FMN2: variants seen among roughly 807,000 people sequenced by gnomAD.
The protein encoded by FMN2 is formin-2.
FMN2 carries 51 observed loss-of-function variants against 142.3 expected under a neutral mutation model. The ratio of observed to expected loss-of-function variants is 0.36; its 90% CI spans 0.29 to 0.45. FMN2 has a LOEUF of 0.45. FMN2 is among the 20% of genes least tolerant of loss of function. The pLI is 1.00. For synonymous variants in FMN2, 882 were observed against 869.8 expected, an observed-to-expected ratio of 1.01 and a Z score of -0.25; for missense variants, 1,936 against 2,122.8, an observed-to-expected ratio of 0.91 and a Z score of 1.73.
intron 7 of FMN2, among the ~76,000 whole-genome samples, chr1:240,273,673 A>G (rs1345297341): frequency 7.6e-6 from 1 of 132,216 alleles, no homozygotes; most frequent in Non-Finnish European, 1.6e-5. Flanking sequence ...GGGGGCAGAG[A>G]CACACACACA....
intron 15 of FMN2, 50 bp downstream of exon 15, chr1:240,392,612 T>G: frequency 5.5e-6 from 8 of 1,456,328 alleles, no homozygotes; most frequent in Non-Finnish European, 7.5e-6. Flanking sequence ...ACATGCTAAG[T>G]GTATTTCATC....
chr1:240,226,787 A>G (rs982436875), intron 6 of FMN2, among the ~76,000 whole-genome samples: 3 of 150,602 alleles, frequency 2.0e-5, no homozygotes, highest in Non-Finnish European at 4.4e-5. Flanking sequence ...ATCCGCAGTT[A>G]CCAAATCGTA....
At chr1:240,264,012 G>A (rs1668714644) in intron 7 of FMN2, among the ~76,000 whole-genome samples, 1 of 152,110 alleles carries the variant, frequency 6.6e-6, no homozygotes, top group Non-Finnish European at 1.5e-5. Context: ...CATTCCATCA[G>A]AAGTACAGTT....
At chr1:240,406,889 T>A (rs1457170127) in intron 15 of FMN2, among the ~76,000 whole-genome samples, 1 of 152,198 alleles carries the variant, frequency 6.6e-6, no homozygotes, top group Non-Finnish European at 1.5e-5. Context: ...AGCTTACAGA[T>A]ATAACCATCC....
chr1:240,338,018 C>G (rs1671622500), intron 13 of FMN2, among the ~76,000 whole-genome samples: 1 of 152,154 alleles, frequency 6.6e-6, no homozygotes, highest in Admixed American at 6.5e-5. Context: ...GTTCCAGTGC[C>G]TTTCTTGAAT....
intron 13 of FMN2, among the ~76,000 whole-genome samples, chr1:240,348,315 G>A (rs561133488): frequency 1.1e-4 from 16 of 150,880 alleles, no homozygotes; most frequent in African/African-American, 2.2e-4. Context: ...TCTGCCTCCC[G>A]GGTTCAAGTG....
chr1:240,402,230 AAAAC>A (rs1265815265), intron 15 of FMN2, among the ~76,000 whole-genome samples: 1 of 152,228 alleles, frequency 6.6e-6, no homozygotes, highest in African/African-American at 2.4e-5. Flanking sequence ...AATAGTATTA[AAAAC>A]AAACAATGGT....
At chr1:240,151,020 A>G (rs1663746743) in intron 2 of FMN2, among the ~76,000 whole-genome samples, 3 of 152,184 alleles carry the variant, frequency 2.0e-5, no homozygotes, top group Non-Finnish European at 4.4e-5. Flanking sequence ...GAAATTAACC[A>G]TCCTTCTATG....
At chr1:240,308,419 GC>G (rs1670488965) in intron 8 of FMN2, among the ~76,000 whole-genome samples, 1 of 152,128 alleles carries the variant, frequency 6.6e-6, no homozygotes, top group Non-Finnish European at 1.5e-5. Context: ...TGTCCAACTC[GC>G]TTTATTTTGT....
chr1:240,472,350 A>G (rs767163088), intron 16 of FMN2, 22 bp from the exon 17 acceptor site: 9 of 1,587,192 alleles, frequency 5.7e-6, no homozygotes, highest in Non-Finnish European at 7.7e-6. Flanking sequence ...TTGTTTAAAT[A>G]CATGTGTCTT....
At chr1:240,282,706 A>T (rs566219239) in intron 7 of FMN2, among the ~76,000 whole-genome samples, 1 of 152,332 alleles carries the variant, frequency 6.6e-6, no homozygotes, top group South Asian at 2.1e-4. Context: ...TAGTGGTGAG[A>T]TGCAGAAAGA....
intron 15 of FMN2, chr1:240,401,188 C>G (rs1041284437): frequency 2.7e-5 from 4 of 150,814 alleles, no homozygotes; most frequent in African/African-American, 9.7e-5. Flanking sequence ...TATTTTATCT[C>G]TAAATATTTC....
chr1:240,257,168 T>A (rs1268434310), intron 6 of FMN2, among the ~76,000 whole-genome samples: 1 of 152,216 alleles, frequency 6.6e-6, no homozygotes, highest in Non-Finnish European at 1.5e-5. Flanking sequence ...CTGGTGATGC[T>A]GTTGTCTGGA....
chr1:240,127,785 C>A (rs1662573480), intron 2 of FMN2, among the ~76,000 whole-genome samples: 1 of 152,150 alleles, frequency 6.6e-6, no homozygotes, highest in East Asian at 1.9e-4. Context: ...CGGCCCCCAG[C>A]CTGCTCTTTG....
intron 15 of FMN2, among the ~76,000 whole-genome samples, chr1:240,429,704 T>A (rs1476406663): frequency 6.6e-6 from 1 of 152,078 alleles, no homozygotes; most frequent in Admixed American, 6.6e-5. Context: ...TTGTCACTTA[T>A]TTTTTTAGAG....
At chr1:240,158,858 C>A (rs1369112702) in intron 2 of FMN2, among the ~76,000 whole-genome samples, 1 of 152,072 alleles carries the variant, frequency 6.6e-6, no homozygotes, top group Non-Finnish European at 1.5e-5. Context: ...AAAGATTGAG[C>A]TAATTAATAC....
chr1:240,125,899 AT>A (rs1662478998), intron 2 of FMN2, among the ~76,000 whole-genome samples: 1 of 152,158 alleles, frequency 6.6e-6, no homozygotes, highest in African/African-American at 2.4e-5. Context: ...GTGTGAAGGC[AT>A]TTCCTCAGAA....
intron 2 of FMN2, chr1:240,143,765 A>G: frequency 6.6e-7 from 1 of 1,519,092 alleles, no homozygotes. Flanking sequence ...GGTCTGAAGG[A>G]TAGTGGAAGT....
At chr1:240,431,008 G>A (rs1474908914) in intron 15 of FMN2, among the ~76,000 whole-genome samples, 1 of 149,716 alleles carries the variant, frequency 6.7e-6, no homozygotes, top group Non-Finnish European at 1.5e-5. Flanking sequence ...TCTTGATTGG[G>A]ATTGCCTTGA....
Sources: allele counts gnomAD v4.1 joint callset (sites outside exome capture counted in the v4.1 genomes callset), GRCh38; gene constraint gnomAD v4.1.1; transcripts MANE v1.5; gene names NCBI Gene and HGNC (gene_info 2026-07-23, HGNC 2026-07-21).